The following SORL1 variants were observed in gnomAD, a reference collection of about 807,000 sequenced individuals.
SORL1 encodes the protein sortilin related receptor 1.
A neutral mutation model predicts 273.7 loss-of-function variants in SORL1; 127 were observed. That is an observed-to-expected ratio of 0.46 (90% CI 0.40 to 0.54). The LOEUF (loss-of-function observed/expected upper bound fraction) is 0.54, where lower values mean the gene tolerates loss of function less well. Ranked by LOEUF, SORL1 falls within the 20% of genes least tolerant of loss-of-function variation. The probability of loss-of-function intolerance (pLI) is 0.00; values close to 1 mark genes in which losing one functional copy is unlikely to be tolerated. For missense variants in SORL1, 2,494 were observed against 2,846.1 expected (o/e 0.88, Z 2.81); for synonymous variants, 1,031 against 1,067.4 (o/e 0.97, Z 0.66).
At chr11:121,604,375 G>A (rs749927660) in intron 33 of SORL1, 51 bp downstream of exon 33, 13 of 1,597,350 alleles carry the variant, frequency 8.1e-6, no homozygotes, top group African/African-American at 2.7e-5. Flanking sequence ...TGGGAGGCTC[G>A]CTTACCCCAG....
At chr11:121,515,615 T>C (rs1861938427) in intron 8 of SORL1, among the ~76,000 whole-genome samples, 1 of 152,150 alleles carries the variant, frequency 6.6e-6, no homozygotes, top group Admixed American at 6.5e-5. Flanking sequence ...TTCAGGGGCT[T>C]GTGAAGAACT....
rs1863894955 is a variant in SORL1, at chr11:121,632,970, A to G, written c.*3407A>G. The G allele has an allele frequency of 6.6e-6, 1 of 152,230 alleles. No individual in the cohort carries two copies. Among genetic ancestry groups the G allele is most frequent in the African/African-American group, 2.4e-5 (1 of 41,452 alleles). 9.4% of individuals were successfully genotyped at this position (152,230 alleles called of 1,614,324 possible). ...CATATTGATTTTAGGAATTGACTCT[A>G]AAACTCTGTGCAGAATCTTGTGTTG... On this transcript the variant is annotated 3_prime_UTR_variant, in exon 48 of 48. Transcript: ENST00000260197.
chr11:121,588,864 C>G (rs1345435483), intron 28 of SORL1, among the ~76,000 whole-genome samples: 1 of 152,184 alleles, frequency 6.6e-6, no homozygotes, highest in Non-Finnish European at 1.5e-5. Context: ...TTCCTCTGTA[C>G]ACATCTGTGT....
At chr11:121,548,713 C>T (rs1284612788) in intron 14 of SORL1, among the ~76,000 whole-genome samples, 1 of 152,046 alleles carries the variant, frequency 6.6e-6, no homozygotes, top group African/African-American at 2.4e-5. Context: ...ATTACAGGTG[C>T]GTGCCACCAT....
At chr11:121,598,422 G>A (rs543086255) in intron 32 of SORL1, among the ~76,000 whole-genome samples, 1 of 152,316 alleles carries the variant, frequency 6.6e-6, no homozygotes, top group African/African-American at 2.4e-5. Context: ...GGTTACTGAG[G>A]ATGAGGAGTC....
intron 12 of SORL1, 65 bp from the exon 13 acceptor site, chr11:121,543,483 A>G (rs144360450): frequency 2.2e-6 from 3 of 1,377,706 alleles, no homozygotes; most frequent in East Asian, 4.6e-5. Context: ...TGAATGTTAT[A>G]TGGAAACCAA....
chr11:121,587,344 A>C (rs1037888945), intron 27 of SORL1, among the ~76,000 whole-genome samples: 1 of 152,214 alleles, frequency 6.6e-6, no homozygotes, highest in Non-Finnish European at 1.5e-5. Flanking sequence ...GTTCAAGTCC[A>C]AAGGCTGTCA....
chr11:121,556,666 T>G (rs1862591164), intron 18 of SORL1, among the ~76,000 whole-genome samples: 1 of 152,208 alleles, frequency 6.6e-6, no homozygotes, highest in Non-Finnish European at 1.5e-5. Flanking sequence ...GCAGAGCTAC[T>G]GATGCTTATT....
At position 121,583,603 on chromosome 11, in the gene SORL1, C is replaced by G. The variant is rs1863047469; in HGVS notation, c.3706+20C>G. On this transcript the variant is annotated intron_variant, in intron 26 of 47. Transcript: ENST00000260197. ...ACTGTGGTAAATGCAAATTCCCCAG[C>G]TCCCTCCCTGAGCCTCCCCAGTGTC... The G allele has an allele frequency of 4.4e-6, 7 of 1,594,368 alleles. No homozygotes were observed. The highest frequency in any genetic ancestry group is 6.0e-6 in the Non-Finnish European group (7 of 1,170,294).
intron 5 of SORL1, 23 bp downstream of exon 5, chr11:121,490,133 T>A (rs780797409): frequency 2.0e-5 from 31 of 1,552,652 alleles, no homozygotes; most frequent in Non-Finnish European, 2.8e-5. Flanking sequence ...ATCTAAGAAA[T>A]CTTGATATAT....
chr11:121,551,346 A>G (rs563187411), intron 16 of SORL1, among the ~76,000 whole-genome samples: 1 of 152,228 alleles, frequency 6.6e-6, no homozygotes, highest in Non-Finnish European at 1.5e-5. Flanking sequence ...GATAATCATT[A>G]TGCATGCTAA....
chr11:121,478,811 C>T (rs1304081785), intron 3 of SORL1, among the ~76,000 whole-genome samples: 2 of 149,764 alleles, frequency 1.3e-5, no homozygotes, highest in Non-Finnish European at 3.0e-5. Context: ...TGTGTGTGTG[C>T]TTGTGTGCGT....
In SORL1 at chr11:121,576,826, G is replaced by C. The variant is rs764284310; in HGVS notation, c.3461-455G>C. On this transcript the variant is annotated intron_variant, in intron 24 of 47. Transcript: ENST00000260197. ...AGCACTGATTTTACTCTCTCTGACT[G>C]AGCATCTCACGGTGATCAGCTCATG... 4.8e-5 allele frequency: 73 copies of C among 1,532,702 alleles called. 1 individual carries two copies. The Admixed American group carries it at 1.4e-3, about 29-fold the overall frequency. The allele number at this position is 1,532,702 out of a possible 1,614,324, so 94.9% of individuals were successfully genotyped here. A position where few individuals can be genotyped will look rare whatever the true frequency, so the allele number is the denominator to read the frequency against.
intron 3 of SORL1, 114 bp from the exon 4 acceptor site, chr11:121,487,918 G>T (rs1861497718): frequency 9.4e-6 from 10 of 1,062,654 alleles, no homozygotes; most frequent in Admixed American, 2.2e-5. Context: ...TGCCTTGTTG[G>T]TGCCAGCTGG....
At chr11:121,493,661 ATG>A (rs1181074524) in intron 5 of SORL1, among the ~76,000 whole-genome samples, 1 of 152,194 alleles carries the variant, frequency 6.6e-6, no homozygotes, top group African/African-American at 2.4e-5. Context: ...GATAGATCGT[ATG>A]TGTGTGTATT....
chr11:121,524,350 T>G (rs887612015), intron 11 of SORL1, among the ~76,000 whole-genome samples: 3 of 152,234 alleles, frequency 2.0e-5, no homozygotes, highest in Non-Finnish European at 4.4e-5. Flanking sequence ...TTGTTCCTCC[T>G]CCAGTGAAGT....
At chr11:121,580,784 T>C (rs1292248323) in intron 25 of SORL1, among the ~76,000 whole-genome samples, 3 of 151,924 alleles carry the variant, frequency 2.0e-5, no homozygotes, top group Non-Finnish European at 4.4e-5. Context: ...TTTGTATGTT[T>C]TGTAGAGATG....
chr11:121,466,339 G>A (rs1479424010), intron 1 of SORL1, among the ~76,000 whole-genome samples: 3 of 152,150 alleles, frequency 2.0e-5, no homozygotes, highest in East Asian at 3.9e-4. Flanking sequence ...ATGGAAAAAG[G>A]CTTGGGGAGG....
intron 12 of SORL1, among the ~76,000 whole-genome samples, chr11:121,542,889 A>G (rs1302841197): frequency 1.3e-5 from 2 of 150,782 alleles, no homozygotes; most frequent in East Asian, 3.9e-4. Flanking sequence ...ATAAGAAAAA[A>G]ATTGGGGGCC....
Sources: allele counts gnomAD v4.1 joint callset (sites outside exome capture counted in the v4.1 genomes callset), GRCh38; gene constraint gnomAD v4.1.1; transcripts MANE v1.5; gene names NCBI Gene and HGNC (gene_info 2026-07-23, HGNC 2026-07-21).